Variants in NDST4 observed in about 807,000 individuals in gnomAD.
The protein encoded by NDST4 is N-heparan sulfate sulfotransferase 4.
Under a neutral mutation model 100.8 loss-of-function variants are expected in NDST4, and 63 were observed. The ratio of observed to expected loss-of-function variants is 0.62; its 90% confidence interval spans 0.51 to 0.77. NDST4 has a LOEUF of 0.77. Among genes scored for constraint, NDST4 ranks in the 30% least tolerant of loss-of-function variants. The probability of loss-of-function intolerance (pLI) is 0.00; values close to 1 mark genes in which losing one functional copy is unlikely to be tolerated. For missense variants in NDST4, 943 were observed against 1,018.4 expected, an observed-to-expected ratio of 0.93 and a Z score of 1.01; for synonymous variants, 377 against 361.8, an observed-to-expected ratio of 1.04 and a Z score of -0.48.
Position 114,929,066 on chromosome 4 carries a change from GTCCGTCCGTCCA to G in NDST4, c.1536+6128_1536+6139del, listed in dbSNP as rs1468447840. On this transcript the variant is annotated intron_variant, in intron 6 of 13. Coordinates refer to ENST00000264363, the MANE Select transcript of NDST4 (RefSeq NM_022569.3). ...TGTCCGTCCGTCCGTCCGTCCGTCCGTCCGTCCGTCCATCCATCCATCCATCCATCCATCCAT... is the reference window on the plus strand; with the variant it reads ...TGTCCGTCCGTCCGTCCGTCCGTCCGTCCATCCATCCATCCATCCATCCAT... 4.4e-4 allele frequency among the ~76,000 whole-genome samples: 44 copies of G among 99,198 alleles called. 1 individual carries two copies. Among genetic ancestry groups the G allele is most frequent in the Middle Eastern group, 9.4e-3 (2 of 212 alleles). The allele number at this position is 99,198 out of a possible 152,430, so 65.1% of individuals were successfully genotyped here.
rs566144565 is a variant in NDST4, at chr4:114,868,873, T to C, written c.1719+1895A>G. ...GTTATCTTTTCTGAGTTATTCTCTC[T>C]CTTATGATGAACTTCCTAGGAACTT... On this transcript the variant is annotated intron_variant, in intron 7 of 13. Coordinates refer to ENST00000264363, the MANE Select transcript of NDST4 (RefSeq NM_022569.3). 1.8e-3 allele frequency among the ~76,000 whole-genome samples: 267 copies of C among 151,058 alleles called. 1 individual carries two copies. The highest frequency in any genetic ancestry group is 5.8e-3 in the African/African-American group (242 of 41,398).
intron 4 of NDST4, among the ~76,000 whole-genome samples, chr4:114,945,952 C>T (rs529973051): frequency 1.8e-4 from 27 of 152,248 alleles, no homozygotes. Context: ...CTCTGTGTTA[C>T]AAATGGATTT....
At chr4:114,867,486 G>A (rs1724050891) in intron 7 of NDST4, among the ~76,000 whole-genome samples, 1 of 151,784 alleles carries the variant, frequency 6.6e-6, no homozygotes, top group Admixed American at 6.6e-5. Flanking sequence ...ATCATGTTTG[G>A]CATGTTTGTT....
chr4:115,029,317 C>T (rs1326577135), intron 2 of NDST4, among the ~76,000 whole-genome samples: 1 of 152,018 alleles, frequency 6.6e-6, no homozygotes, highest in Non-Finnish European at 1.5e-5. Context: ...CAGAGCTGTT[C>T]ACTAATATCA....
intron 2 of NDST4, among the ~76,000 whole-genome samples, chr4:115,025,758 A>G (rs1467930398): frequency 6.6e-6 from 1 of 152,182 alleles, no homozygotes; most frequent in African/African-American, 2.4e-5. Flanking sequence ...CTGAATTTAA[A>G]GTTTCTGTAA....
intron 2 of NDST4, among the ~76,000 whole-genome samples, chr4:114,983,024 G>T (rs1726814384): frequency 6.6e-6 from 1 of 152,162 alleles, no homozygotes; most frequent in African/African-American, 2.4e-5. Context: ...TGGGAAGGAG[G>T]TAAGAGTTGA....
intron 8 of NDST4, 135 bp downstream of exon 8, chr4:114,852,590 G>T: frequency 1.8e-6 from 1 of 570,704 alleles, no homozygotes; most frequent in Non-Finnish European, 3.1e-6. Flanking sequence ...GAGATGACAA[G>T]CAGTTCAAAT....
At chr4:114,912,524 G>T in intron 6 of NDST4, among the ~76,000 whole-genome samples, 1 of 152,252 alleles carries the variant, frequency 6.6e-6, no homozygotes, top group Non-Finnish European at 1.5e-5. Flanking sequence ...AGTTAAACCC[G>T]AATGCAGGTG....
chr4:115,077,562 C>CA (rs1399321430), intron 1 of NDST4, among the ~76,000 whole-genome samples: 1 of 151,690 alleles, frequency 6.6e-6, no homozygotes, highest in Non-Finnish European at 1.5e-5. Context: ...CTAATCCCAC[C>CA]AAAAAAGAAA....
intron 6 of NDST4, among the ~76,000 whole-genome samples, chr4:114,899,422 C>G (rs562289946): frequency 6.6e-6 from 1 of 152,212 alleles, no homozygotes; most frequent in African/African-American, 2.4e-5. Flanking sequence ...CATGATCCAC[C>G]CACCTCGGCC....
At chr4:115,027,673 G>A (rs1246569972) in intron 2 of NDST4, among the ~76,000 whole-genome samples, 1 of 152,070 alleles carries the variant, frequency 6.6e-6, no homozygotes, top group Non-Finnish European at 1.5e-5. Flanking sequence ...CATACGTACT[G>A]TATTTTGGTA....
At chr4:114,991,651 T>A (rs1727043908) in intron 2 of NDST4, among the ~76,000 whole-genome samples, 3 of 151,948 alleles carry the variant, frequency 2.0e-5, no homozygotes, top group Admixed American at 2.0e-4. Context: ...GAAATCTCAA[T>A]AATATCAAAA....
rs150451952 is a variant in NDST4 at position 114,897,019 on chromosome 4, T to G, written c.1537-26069A>C. On this transcript the variant is annotated intron_variant, in intron 6 of 13. Transcript: ENST00000264363. ...CCCACATTTGCATAGACTATCCCATTATCAATATCCCCTATGAGAGTGGTA... is the reference window on the plus strand; with the variant it reads ...CCCACATTTGCATAGACTATCCCATGATCAATATCCCCTATGAGAGTGGTA... Among the ~76,000 whole-genome samples, 6 of 152,292 alleles carry G rather than the reference T, an allele frequency of 3.9e-5. No homozygotes were observed. In the East Asian group the frequency reaches 1.2e-3, roughly 29 times the overall value.
rs1242823427 is a variant in NDST4, at chr4:115,010,655, G to A, written c.979-33381C>T. Among the ~76,000 whole-genome samples, 4 of 145,236 alleles carry A rather than the reference G, an allele frequency of 2.8e-5. 1 individual carries two copies. The highest frequency in any genetic ancestry group is 4.1e-4 in the East Asian group (2 of 4,850). On this transcript the variant is annotated intron_variant, in intron 2 of 13. Transcript: ENST00000264363. Reference sequence around the variant, plus strand: ...TACATATGTAACTAACCTGCACATTGTGCACATGTACCCTAAAACTTAAAG... The same window carrying A: ...TACATATGTAACTAACCTGCACATTATGCACATGTACCCTAAAACTTAAAG...
rs1724286983 is a variant in NDST4, at chr4:114,877,793, C to G, written c.1537-6843G>C. 1.1e-4 allele frequency among the ~76,000 whole-genome samples: 16 copies of G among 152,052 alleles called. No individual in the cohort carries two copies. The South Asian group carries it at 3.1e-3, about 30-fold the overall frequency. On this transcript the variant is annotated intron_variant, in intron 6 of 13. Transcript: ENST00000264363. ...TGAAACCCCATCTCTACTACAAATA[C>G]AAAAAGTAGCCGGGCCTGGTGACTA...
At chr4:115,033,886 T>G (rs1167220897) in intron 2 of NDST4, among the ~76,000 whole-genome samples, 4 of 152,176 alleles carry the variant, frequency 2.6e-5, no homozygotes, top group Non-Finnish European at 5.9e-5. Context: ...GCAGAATTAC[T>G]TAAAAGTTTT....
intron 2 of NDST4, among the ~76,000 whole-genome samples, chr4:114,978,222 AT>A (rs1270964569): frequency 6.6e-6 from 1 of 152,014 alleles, no homozygotes; most frequent in Non-Finnish European, 1.5e-5. Flanking sequence ...AATAAGACTG[AT>A]TTTTGATTAC....
intron 2 of NDST4, among the ~76,000 whole-genome samples, chr4:115,067,744 T>C (rs1728981041): frequency 6.6e-6 from 1 of 152,030 alleles, no homozygotes; most frequent in South Asian, 2.1e-4. Context: ...TTTTTTGTTT[T>C]TCTTTTTTTA....
At chr4:114,986,832 A>ATATATATATATATATATATTTTTTTTTTT in intron 2 of NDST4, among the ~76,000 whole-genome samples, 1 of 94,664 alleles carries the variant, frequency 1.1e-5, no homozygotes, top group Non-Finnish European at 2.2e-5. Flanking sequence ...ATATATATAT[A>ATATATATATATATATATATTTTTTTTTTT]TTTTAATATA....
Sources: gnomAD v4.1 joint callset for allele counts (sites outside exome capture counted in the v4.1 genomes callset) on GRCh38, gnomAD v4.1.1 for gene constraint, MANE v1.5 for transcripts, NCBI Gene and HGNC (gene_info 2026-07-23, HGNC 2026-07-21) for gene names.